TASOR: variants seen among roughly 807,000 people sequenced by gnomAD.
TASOR encodes protein TASOR.
In TASOR, 53 loss-of-function variants were observed where a neutral mutation model predicts 178.6. The ratio of observed to expected loss-of-function variants is 0.30; its 90% CI spans 0.24 to 0.37. The LOEUF (loss-of-function observed/expected upper bound fraction) is 0.37, where lower values mean the gene tolerates loss of function less well. TASOR is among the 10% of genes least tolerant of loss of function. The probability of loss-of-function intolerance (pLI) is 1.00; values close to 1 mark genes in which losing one functional copy is unlikely to be tolerated. For synonymous variants in TASOR, 713 were observed against 696.2 expected (o/e 1.02, Z -0.38); for missense variants, 1,815 against 1,971.4 (o/e 0.92, Z 1.50).
chr3:56,623,441 G>A lies in TASOR; in HGVS notation c.4609C>T (p.Arg1537Cys), dbSNP rs147511651. 1.3e-5 allele frequency: 21 copies of A among 1,613,532 alleles called. No homozygotes were observed. The highest frequency in any genetic ancestry group is 2.2e-5 in the East Asian group (1 of 44,844). Residue 1537 changes from arginine (R) to cysteine (C), a missense_variant, in exon 24 of 24, where the codon CGT becomes TGT. By Grantham distance (180) the Arg-to-Cys change is radical. Coordinates refer to ENST00000683822, the MANE Select transcript of TASOR (RefSeq NM_001365635.2). ...GTATTCTTTTTTTGATCTGTTCCAC[G>A]TGATCCTTTGGTCTCTTTCTCCCAT... is the stretch of plus-strand genomic sequence containing the variant. ...EIWEKETKGS[R>C]GTDQKKNTQI...
intron 14 of TASOR, among the ~76,000 whole-genome samples, chr3:56,645,924 G>A (rs944682015): frequency 2.0e-5 from 3 of 152,120 alleles, no homozygotes; most frequent in African/African-American, 4.8e-5. Flanking sequence ...CGAGGCAGGC[G>A]GATCACGAGG....
At chr3:56,654,712 A>C (rs1270988523) in intron 11 of TASOR, among the ~76,000 whole-genome samples, 1 of 152,170 alleles carries the variant, frequency 6.6e-6, no homozygotes, top group Non-Finnish European at 1.5e-5. Flanking sequence ...CCTAACCCCC[A>C]CAACAAAAGA....
chr3:56,670,337 A>G (rs949189419), intron 3 of TASOR, among the ~76,000 whole-genome samples, 192 bp from the exon 4 acceptor site: 1 of 151,764 alleles, frequency 6.6e-6, no homozygotes, highest in South Asian at 2.1e-4. Flanking sequence ...CAAAGTAACC[A>G]TATCTAGAAT....
chr3:56,632,255 G>A (rs376337790), intron 18 of TASOR, among the ~76,000 whole-genome samples: 2 of 151,928 alleles, frequency 1.3e-5, no homozygotes, highest in African/African-American at 2.4e-5. Flanking sequence ...GACGGATCAC[G>A]AGGCCAGGAG....
intron 11 of TASOR, among the ~76,000 whole-genome samples, chr3:56,653,516 C>CAAAA (rs538905052): frequency 1.7e-4 from 25 of 150,556 alleles, no homozygotes; most frequent in African/African-American, 5.8e-4. Flanking sequence ...AACAATTAGA[C>CAAAA]TGAGAGCTAA....
At chr3:56,665,406 A>T (rs2077686881) in intron 7 of TASOR, among the ~76,000 whole-genome samples, 1 of 152,042 alleles carries the variant, frequency 6.6e-6, no homozygotes, top group Non-Finnish European at 1.5e-5. Flanking sequence ...CCCAGGCTGT[A>T]GTGCAGTGGT....
chr3:56,656,875 T>G (rs2077481694), intron 11 of TASOR, among the ~76,000 whole-genome samples: 1 of 150,910 alleles, frequency 6.6e-6, no homozygotes, highest in African/African-American at 2.4e-5. Context: ...CCAGGCATGG[T>G]GGAGCATGCC....
rs770624625 is a variant in TASOR, at chr3:56,622,998, A to G, written c.*39T>C. The G allele has an allele frequency of 1.2e-5, 16 of 1,290,292 alleles. No homozygotes were observed. The highest frequency in any genetic ancestry group is 3.0e-5 in the African/African-American group (2 of 66,696). The allele number at this position is 1,290,292 out of a possible 1,614,324, so 79.9% of individuals were successfully genotyped here. On this transcript the variant is annotated 3_prime_UTR_variant, in exon 24 of 24. Coordinates refer to ENST00000683822, the MANE Select transcript of TASOR (RefSeq NM_001365635.2). ...AATGAAATATAAATTGTTAATAAACAAAGTCCACAACAATCTCTTAAAAAA... is the reference window on the plus strand; with the variant it reads ...AATGAAATATAAATTGTTAATAAACGAAGTCCACAACAATCTCTTAAAAAA...
rs755119424 is a variant in TASOR at position 56,633,470 on chromosome 3, A to C, written c.3321T>G (p.Ser1107=). 6.2e-7 allele frequency: 1 copy of C among 1,614,168 alleles called. No homozygotes were observed. Residue 1107 remains serine, a synonymous_variant, in exon 18 of 24, where the codon TCT becomes TCG. Transcript: ENST00000683822. The part of the protein sequence containing the change: ...GNLPPVSPND[S]GAKIASNPLE... The stretch of plus-strand genomic sequence containing the variant: ...GAGGATTCGATGCTATCTTAGCACC[A>C]GAATCGTTAGGACTGACTGGTGGCA...
chr3:56,628,654 C>A, intron 18 of TASOR, 40 bp from the exon 19 acceptor site: 1 of 1,346,930 alleles, frequency 7.4e-7, no homozygotes. Context: ...TAAAATACTT[C>A]TTTGTAAACA....
chr3:56,633,594 T>C lies in TASOR; in HGVS notation c.3197A>G (p.Tyr1066Cys), dbSNP rs1200915758. ...CACACCAGCTTTGGAAGTCTTAGAA[T>C]ATATGAACTCGGAAAGCCGTTTCAT... ...EKMKRLSEFIYSKTSKAGVQE... is the reference protein window; with the variant it reads ...EKMKRLSEFICSKTSKAGVQE... Residue 1066 changes from tyrosine to cysteine, a missense_variant, in exon 18 of 24, where the codon TAT (tyrosine) becomes TGT (cysteine). Physicochemically the swap from Tyr to Cys is radical, Grantham distance 194 (BLOSUM62 -2). Around this residue, in one of 5 missense-constraint regions of TASOR, gnomAD observed 655 missense variants for 671.1 expected, o/e 0.98. Transcript: ENST00000683822. The C allele has an allele frequency of 6.2e-7, 1 of 1,614,032 alleles. No individual in the cohort carries two copies. The highest frequency in any genetic ancestry group is 1.3e-5 in the African/African-American group (1 of 74,936).
chr3:56,632,515 A>T (rs916513944), intron 18 of TASOR, among the ~76,000 whole-genome samples: 2 of 152,150 alleles, frequency 1.3e-5, no homozygotes, highest in Admixed American at 6.5e-5. Context: ...TAAAACCTTC[A>T]AATCAAGTTT....
intron 14 of TASOR, among the ~76,000 whole-genome samples, chr3:56,644,285 T>C (rs1187080787): frequency 6.6e-6 from 1 of 152,134 alleles, no homozygotes; most frequent in Non-Finnish European, 1.5e-5. Context: ...ATACATAAAG[T>C]ACCTAGCACA....
At chr3:56,629,646 A>G (rs1441926898) in intron 18 of TASOR, among the ~76,000 whole-genome samples, 1 of 152,198 alleles carries the variant, frequency 6.6e-6, no homozygotes, top group Non-Finnish European at 1.5e-5. Context: ...ACTTTCATGC[A>G]GAGTTCCCTT....
intron 1 of TASOR, among the ~76,000 whole-genome samples, chr3:56,675,003 T>G (rs2031155315): frequency 6.6e-6 from 1 of 151,950 alleles, no homozygotes; most frequent in South Asian, 2.1e-4. Flanking sequence ...GTGTGTGTGT[T>G]TTTAGTAGAG....
At chr3:56,632,960 A>T in intron 18 of TASOR, 84 bp downstream of exon 18, 1 of 1,122,148 alleles carries the variant, frequency 8.9e-7, no homozygotes, top group South Asian at 1.7e-5. Context: ...CAAAACATTT[A>T]AATACAAAAA....
intron 14 of TASOR, among the ~76,000 whole-genome samples, chr3:56,645,435 G>T (rs1183271726): frequency 1.3e-5 from 2 of 152,276 alleles, no homozygotes; most frequent in East Asian, 3.9e-4. Context: ...GAAGAGACAA[G>T]TTGCTTAATA....
chr3:56,622,756 CT>C lies in TASOR; in HGVS notation c.*280del. 4.5e-6 allele frequency: 1 copy of C among 220,020 alleles called. No individual in the cohort carries two copies. Among genetic ancestry groups the C allele is most frequent in the East Asian group, 9.4e-5 (1 of 10,634 alleles). The allele number at this position is 220,020 out of a possible 1,614,324, so 13.6% of individuals were successfully genotyped here. A position where few individuals can be genotyped will look rare whatever the true frequency, so the allele number is the denominator to read the frequency against. Reference sequence around the variant, plus strand: ...CTGTTTACCGTCCTCCTGCAAGCATCTGATTTTACACATAAAACAGGCTTCA... The same window carrying C: ...CTGTTTACCGTCCTCCTGCAAGCATCGATTTTACACATAAAACAGGCTTCA... On this transcript the variant is annotated 3_prime_UTR_variant, in exon 24 of 24. Transcript: ENST00000683822.
intron 3 of TASOR, 38 bp downstream of exon 3, chr3:56,671,562 C>A: frequency 7.1e-7 from 1 of 1,402,580 alleles, no homozygotes; most frequent in Non-Finnish European, 9.7e-7. Context: ...ACAATGGAAA[C>A]ATCCCCAAAT....
Sources: gnomAD v4.1 joint callset for allele counts (sites outside exome capture counted in the v4.1 genomes callset) on GRCh38, gnomAD v4.1.1 for gene constraint, gnomAD v4.1.1 regional missense constraint, MANE v1.5 for transcripts, NCBI Gene and HGNC (gene_info 2026-07-23, HGNC 2026-07-21) for gene names.